The following CCM2 variants were observed in gnomAD, a reference collection of about 807,000 sequenced individuals.
CCM2 encodes CCM2 scaffold protein.
A neutral mutation model predicts 44.9 loss-of-function variants in CCM2; 25 were observed. The observed-to-expected ratio is 0.56, with a 90% CI of 0.41 to 0.78. CCM2 has a LOEUF of 0.78. Among genes scored for constraint, CCM2 ranks in the 30% least tolerant of loss-of-function variants. The pLI, the probability that CCM2 is intolerant of heterozygous loss-of-function variation, is 0.00. For synonymous variants in CCM2, 219 were observed against 241.1 expected (o/e 0.91, Z 0.85); for missense variants, 481 against 580.6 (o/e 0.83, Z 1.76).
chr7:45,045,194 G>A (rs563683607), intron 2 of CCM2, among the ~76,000 whole-genome samples: 2 of 152,152 alleles, frequency 1.3e-5, no homozygotes, highest in African/African-American at 4.8e-5. Context: ...AGCTGATAGA[G>A]CAATTTCTTT....
intron 6 of CCM2, chr7:45,071,432 C>T (rs1799066839): frequency 5.3e-6 from 1 of 188,424 alleles, no homozygotes; most frequent in Admixed American, 5.7e-5. Flanking sequence ...TTCCCAAGAC[C>T]TCCCCGTGGG....
At chr7:45,003,652 C>T (rs867074238) in intron 1 of CCM2, among the ~76,000 whole-genome samples, 7 of 151,480 alleles carry the variant, frequency 4.6e-5, no homozygotes, top group African/African-American at 9.7e-5. Flanking sequence ...CTCTTGAACC[C>T]GGGAGGTGGA....
At chr7:45,053,623 C>T (rs1380058781) in intron 2 of CCM2, among the ~76,000 whole-genome samples, 1 of 152,174 alleles carries the variant, frequency 6.6e-6, no homozygotes, top group East Asian at 1.9e-4. Flanking sequence ...TGCTCCCTGG[C>T]TTCTGCTAGG....
intron 1 of CCM2, among the ~76,000 whole-genome samples, chr7:45,003,265 G>A (rs1406588403): frequency 6.6e-6 from 1 of 151,848 alleles, no homozygotes; most frequent in African/African-American, 2.4e-5. Context: ...TAGTAGAGAC[G>A]GGGTTTCTCC....
At chr7:45,055,733 A>G (rs6956310) in intron 2 of CCM2, among the ~76,000 whole-genome samples, 25,428 of 152,196 alleles carry the variant, frequency 0.17, 2,146 homozygotes, top group Middle Eastern at 0.24. Context: ...GTAGAGTTCA[A>G]TGGCATAAAA....
At chr7:45,040,112 A>T (rs80349021) in intron 2 of CCM2, among the ~76,000 whole-genome samples, 1 of 152,120 alleles carries the variant, frequency 6.6e-6, no homozygotes, top group African/African-American at 2.4e-5. Context: ...GTAAAAAAAA[A>T]GGCCAGGTGC....
chr7:45,050,638 A>C (rs1339318584), intron 2 of CCM2, among the ~76,000 whole-genome samples: 3 of 152,216 alleles, frequency 2.0e-5, no homozygotes, highest in Non-Finnish European at 4.4e-5. Context: ...CAAATGGTCA[A>C]AAGTCAGGTC....
intron 8 of CCM2, 78 bp from the exon 9 acceptor site, chr7:45,074,192 T>C (rs1799227721): frequency 3.1e-6 from 5 of 1,604,896 alleles, no homozygotes; most frequent in Middle Eastern, 1.7e-4. Flanking sequence ...CTGGGGTTAG[T>C]GGCTGTGGCA....
chr7:45,064,459 C>A lies in CCM2; in HGVS notation c.289-4C>A. ...TATTTCTGATGCCCTGTGGTTCCTT[C>A]CAGAGAGCCCACCAGCTTCCGGGAC... On this transcript the variant is annotated splice_polypyrimidine_tract_variant and splice_region_variant and intron_variant, in intron 3 of 9. Coordinates refer to ENST00000258781, the MANE Select transcript of CCM2 (RefSeq NM_031443.4). 6.2e-7 allele frequency: 1 copy of A among 1,612,874 alleles called. No homozygotes were observed.
intron 4 of CCM2, 71 bp from the exon 5 acceptor site, chr7:45,068,372 C>T: frequency 1.9e-6 from 3 of 1,602,328 alleles, no homozygotes; most frequent in Admixed American, 1.7e-5. Flanking sequence ...ATGGCGGCCT[C>T]AGCTGTTTCC....
intron 1 of CCM2, among the ~76,000 whole-genome samples, chr7:45,002,135 C>T (rs1375476543): frequency 6.6e-6 from 1 of 152,204 alleles, no homozygotes; most frequent in Non-Finnish European, 1.5e-5. Flanking sequence ...TTAATAACTT[C>T]GGTGGTTAAA....
chr7:45,053,298 G>A (rs983635613), intron 2 of CCM2, among the ~76,000 whole-genome samples: 3 of 152,196 alleles, frequency 2.0e-5, no homozygotes, highest in African/African-American at 7.2e-5. Flanking sequence ...CGACTCCCAC[G>A]CAGGCTTGGT....
intron 7 of CCM2, 48 bp from the exon 8 acceptor site, chr7:45,073,412 A>G: frequency 7.6e-7 from 1 of 1,310,684 alleles, no homozygotes; most frequent in Non-Finnish European, 1.1e-6. Flanking sequence ...CGTGTGTGGG[A>G]TGGAGGGTCG....
chr7:45,066,170 T>C (rs1356815754), intron 4 of CCM2, among the ~76,000 whole-genome samples: 2 of 152,218 alleles, frequency 1.3e-5, no homozygotes, highest in Non-Finnish European at 2.9e-5. Context: ...TTCTGGTCTT[T>C]GAGAGAACTT....
chr7:45,006,299 G>T (rs1331502334), intron 1 of CCM2, among the ~76,000 whole-genome samples: 2 of 151,660 alleles, frequency 1.3e-5, no homozygotes, highest in Non-Finnish European at 2.9e-5. Flanking sequence ...CTACTTCCAG[G>T]ACCTCAGGAT....
intron 1 of CCM2, among the ~76,000 whole-genome samples, chr7:45,014,636 T>G (rs1274752424): frequency 2.7e-5 from 4 of 148,610 alleles, no homozygotes; most frequent in Non-Finnish European, 6.0e-5. Flanking sequence ...TTTTTTTTTT[T>G]TTTGAGATGG....
chr7:45,025,548 TTTG>T, intron 1 of CCM2, among the ~76,000 whole-genome samples: 1 of 151,454 alleles, frequency 6.6e-6, no homozygotes, highest in African/African-American at 2.4e-5. Context: ...TTTTTTTTTT[TTTG>T]AGATGGAGTT....
At chr7:45,046,925 T>TA (rs1466202204) in intron 2 of CCM2, among the ~76,000 whole-genome samples, 1 of 152,174 alleles carries the variant, frequency 6.6e-6, no homozygotes, top group Non-Finnish European at 1.5e-5. Flanking sequence ...CAGGAGGAGA[T>TA]ACTTCAATGA....
chr7:45,015,697 AG>A (rs1796237228), intron 1 of CCM2, among the ~76,000 whole-genome samples: 1 of 152,132 alleles, frequency 6.6e-6, no homozygotes, highest in African/African-American at 2.4e-5. Context: ...GCCAGTCCAG[AG>A]GTGGCCCAGG....
Sources: gnomAD v4.1 joint callset for allele counts (sites outside exome capture counted in the v4.1 genomes callset) on GRCh38, gnomAD v4.1.1 for gene constraint, MANE v1.5 for transcripts, NCBI Gene and HGNC (gene_info 2026-07-23, HGNC 2026-07-21) for gene names.